ATXN1: variants seen among roughly 807,000 people sequenced by gnomAD.
The protein encoded by ATXN1 is ataxin-1.
A neutral mutation model predicts 56.4 loss-of-function variants in ATXN1; 8 were observed. The observed-to-expected ratio is 0.14, with a 90% CI of 0.08 to 0.26. The LOEUF (loss-of-function observed/expected upper bound fraction) is 0.26. Among genes scored for constraint, ATXN1 ranks in the 10% least tolerant of loss-of-function variants. ATXN1 has a pLI of 1.00. For missense variants in ATXN1, 987 were observed against 1,106.5 expected (o/e 0.89, Z 1.53); for synonymous variants, 514 against 494.6 (o/e 1.04, Z -0.52).
chr6:16,400,194 C>T (rs938636239), intron 6 of ATXN1, among the ~76,000 whole-genome samples: 1 of 152,178 alleles, frequency 6.6e-6, no homozygotes, highest in African/African-American at 2.4e-5. Flanking sequence ...TAATTATTTC[C>T]ACTCTGCCCT....
chr6:16,634,309 T>C (rs1464288350), intron 3 of ATXN1, among the ~76,000 whole-genome samples: 2 of 152,212 alleles, frequency 1.3e-5, no homozygotes, highest in Non-Finnish European at 2.9e-5. Context: ...ATGCCTTATA[T>C]GTAATCTTGA....
chr6:16,571,491 C>A (rs236960), intron 4 of ATXN1, among the ~76,000 whole-genome samples: 4,025 of 152,098 alleles, frequency 0.026, 159 homozygotes, highest in African/African-American at 0.091. Context: ...ACATTATTTT[C>A]TTTTATTTTA....
chr6:16,717,599 A>G (rs1237631700), intron 2 of ATXN1, among the ~76,000 whole-genome samples: 1 of 152,200 alleles, frequency 6.6e-6, no homozygotes, highest in Non-Finnish European at 1.5e-5. Context: ...ACACAGAGAG[A>G]GAATGTGCTC....
At chr6:16,354,026 GAGA>G (rs1269875382) in intron 6 of ATXN1, among the ~76,000 whole-genome samples, 1 of 152,126 alleles carries the variant, frequency 6.6e-6, no homozygotes, top group East Asian at 1.9e-4. Context: ...GGCAGCACAG[GAGA>G]ATCACCTGGA....
intron 6 of ATXN1, among the ~76,000 whole-genome samples, chr6:16,478,623 A>G (rs1760375098): frequency 6.6e-6 from 1 of 152,206 alleles, no homozygotes; most frequent in Admixed American, 6.5e-5. Flanking sequence ...TTTGTTCTGC[A>G]GGGTGAGTTT....
At chr6:16,515,194 A>G (rs1230395220) in intron 5 of ATXN1, among the ~76,000 whole-genome samples, 1 of 151,896 alleles carries the variant, frequency 6.6e-6, no homozygotes, top group African/African-American at 2.4e-5. Flanking sequence ...AGTTCTCAAA[A>G]CCTTATCTCC....
chr6:16,732,036 C>T (rs566154605), intron 2 of ATXN1, among the ~76,000 whole-genome samples: 2 of 152,156 alleles, frequency 1.3e-5, no homozygotes, highest in Non-Finnish European at 2.9e-5. Context: ...TTTGCCAAGA[C>T]TTTTCTAGTT....
At chr6:16,566,722 G>C (rs1050478230) in intron 4 of ATXN1, among the ~76,000 whole-genome samples, 1 of 152,084 alleles carries the variant, frequency 6.6e-6, no homozygotes, top group Non-Finnish European at 1.5e-5. Flanking sequence ...CGGGCATGGT[G>C]GTGGGTTCCT....
chr6:16,550,400 T>C (rs887845747), intron 4 of ATXN1, among the ~76,000 whole-genome samples: 35 of 152,188 alleles, frequency 2.3e-4, no homozygotes, highest in African/African-American at 6.5e-4. Context: ...CTTTCATCCC[T>C]TGTATATTTG....
chr6:16,413,913 A>G (rs1032676569), intron 6 of ATXN1, among the ~76,000 whole-genome samples: 2 of 152,216 alleles, frequency 1.3e-5, no homozygotes, highest in African/African-American at 4.8e-5. Flanking sequence ...TTACATTCCT[A>G]TAACATATTT....
chr6:16,572,025 T>C (rs1762341408), intron 4 of ATXN1, among the ~76,000 whole-genome samples: 1 of 152,180 alleles, frequency 6.6e-6, no homozygotes, highest in Admixed American at 6.5e-5. Context: ...ATGTAAGTCA[T>C]GTTTTAGATA....
At chr6:16,336,587 G>A (rs988226070) in intron 6 of ATXN1, among the ~76,000 whole-genome samples, 10 of 152,140 alleles carry the variant, frequency 6.6e-5, no homozygotes, top group Non-Finnish European at 7.4e-5. Context: ...GGCACAGGTC[G>A]GACGTGAGGA....
chr6:16,554,750 G>A (rs2237180), intron 4 of ATXN1, among the ~76,000 whole-genome samples: 14,035 of 151,964 alleles, frequency 0.092, 1,386 homozygotes, highest in East Asian at 0.49. Flanking sequence ...CACCACGCCC[G>A]GCTAATTTTT....
chr6:16,496,162 G>T (rs1055438482), intron 5 of ATXN1, among the ~76,000 whole-genome samples: 3 of 152,058 alleles, frequency 2.0e-5, no homozygotes, highest in African/African-American at 7.2e-5. Context: ...ACAATTTTCT[G>T]ACTCAATCAG....
intron 2 of ATXN1, among the ~76,000 whole-genome samples, chr6:16,685,814 A>G (rs924271574): frequency 1.3e-5 from 2 of 152,230 alleles, no homozygotes; most frequent in Non-Finnish European, 2.9e-5. Context: ...AATTTCACAA[A>G]GCAAAGACAT....
At chr6:16,583,241 G>A (rs1399056289) in intron 4 of ATXN1, among the ~76,000 whole-genome samples, 1 of 152,214 alleles carries the variant, frequency 6.6e-6, no homozygotes, top group Non-Finnish European at 1.5e-5. Flanking sequence ...CAAAACGAAT[G>A]CAGCGTCTAC....
chr6:16,695,311 C>T (rs1242494576), intron 2 of ATXN1, among the ~76,000 whole-genome samples: 3 of 152,216 alleles, frequency 2.0e-5, no homozygotes, highest in Non-Finnish European at 2.9e-5. Flanking sequence ...TAATTTATCA[C>T]TCTGTCTTTT....
intron 2 of ATXN1, chr6:16,666,402 T>C (rs575751240): frequency 2.5e-5 from 4 of 162,982 alleles, no homozygotes; most frequent in Admixed American, 1.3e-4. Flanking sequence ...GAGACTTAGA[T>C]TGATTCCATA....
intron 6 of ATXN1, among the ~76,000 whole-genome samples, chr6:16,400,271 C>G (rs1399164564): frequency 6.6e-6 from 1 of 152,242 alleles, no homozygotes; most frequent in Admixed American, 6.5e-5. Flanking sequence ...AGAACATTCT[C>G]TCCAACCCAG....
Sources: gnomAD v4.1 joint callset for allele counts (sites outside exome capture counted in the v4.1 genomes callset) on GRCh38, gnomAD v4.1.1 for gene constraint, MANE v1.5 for transcripts, NCBI Gene and HGNC (gene_info 2026-07-23, HGNC 2026-07-21) for gene names.